Variants in SYCP2 observed in about 807,000 individuals in gnomAD.
SYCP2 encodes the protein synaptonemal complex lateral element protein.
A neutral mutation model predicts 211.3 loss-of-function variants in SYCP2; 55 were observed. The observed-to-expected ratio is 0.26, with a 90% CI of 0.21 to 0.33. SYCP2 has a LOEUF of 0.33. SYCP2 is among the 10% of genes least tolerant of loss of function. The pLI is 1.00. For synonymous variants in SYCP2, 570 were observed against 555.2 expected (o/e 1.03, Z -0.37); for missense variants, 1,731 against 1,752.0 (o/e 0.99, Z 0.21).
At chr20:59,929,295 T>A (rs2060690737) in intron 2 of SYCP2, among the ~76,000 whole-genome samples, 1 of 127,352 alleles carries the variant, frequency 7.9e-6, no homozygotes, top group African/African-American at 2.6e-5. Context: ...AAATCATGTA[T>A]GTACTCCTGG....
intron 18 of SYCP2, among the ~76,000 whole-genome samples, chr20:59,898,713 T>C (rs2060057953): frequency 6.6e-6 from 1 of 150,832 alleles, no homozygotes; most frequent in Non-Finnish European, 1.5e-5. Flanking sequence ...ATAAAAGACT[T>C]CCTACAAAAA....
chr20:59,915,689 G>A (rs1335206041), intron 8 of SYCP2, 139 bp from the exon 9 acceptor site: 2 of 599,562 alleles, frequency 3.3e-6, no homozygotes, highest in Non-Finnish European at 5.9e-6. Flanking sequence ...GTAGGATGGA[G>A]GAAAGAATAT....
At chr20:59,871,757 G>A (rs1285498481) in intron 35 of SYCP2, among the ~76,000 whole-genome samples, 1 of 151,786 alleles carries the variant, frequency 6.6e-6, no homozygotes, top group Non-Finnish European at 1.5e-5. Flanking sequence ...GATTACTTAT[G>A]ATACCTAATA....
chr20:59,895,304 A>G (rs2059985363), intron 20 of SYCP2, 133 bp downstream of exon 20: 1 of 683,298 alleles, frequency 1.5e-6, no homozygotes, highest in East Asian at 3.0e-5. Context: ...CAAGGGCAAT[A>G]AATATTTAGG....
rs151291017 is a variant in SYCP2, at chr20:59,914,199, T to G, written c.687A>C (p.Glu229Asp). 1.2e-6 allele frequency: 2 copies of G among 1,605,478 alleles called. No individual in the cohort carries two copies. Among genetic ancestry groups the G allele is most frequent in the Admixed American group, 3.3e-5 (2 of 59,880 alleles). ...GATGTGCCAGTTCTTGTCTTTGTTTTTCTGTGGTCATTCTACACAAAGCTT... is the reference window on the plus strand; with the variant it reads ...GATGTGCCAGTTCTTGTCTTTGTTTGTCTGTGGTCATTCTACACAAAGCTT... ...IVEALCRMTT[E>D]KQRQELAHQW... The change falls in exon 11 of 45, where the codon GAA becomes GAC. Residue 229 changes from glutamate to aspartate, a missense_variant. By Grantham distance (45) the Glu-to-Asp change is conservative (BLOSUM62 2). This residue lies in a region of SYCP2 where 335 missense variants were observed against 378.8 expected (regional missense o/e 0.88). Transcript: ENST00000357552.
intron 24 of SYCP2, among the ~76,000 whole-genome samples, chr20:59,891,441 G>A (rs1352812390): frequency 6.6e-6 from 1 of 151,836 alleles, no homozygotes; most frequent in Non-Finnish European, 1.5e-5. Context: ...AAAGAAAGTG[G>A]GAGCTCTAAT....
intron 24 of SYCP2, among the ~76,000 whole-genome samples, chr20:59,889,501 T>G (rs2059861988): frequency 1.3e-5 from 2 of 152,018 alleles, no homozygotes; most frequent in Admixed American, 6.6e-5. Flanking sequence ...GGTCTCCTGA[T>G]TTTATATTTA....
chr20:59,901,779 A>C lies in SYCP2; in HGVS notation c.1065T>G (p.Ile355Met), dbSNP rs1256184496. Residue 355 changes from isoleucine to methionine, a missense_variant, in exon 16 of 45, where the codon ATT (isoleucine) becomes ATG (methionine). By Grantham distance (10) the Ile-to-Met change is conservative. This residue lies in a region of SYCP2 where 1,387 missense variants were observed against 1,351.3 expected (regional missense o/e 1.03). Coordinates refer to ENST00000357552, the MANE Select transcript of SYCP2 (RefSeq NM_014258.4). ...TGCTAATTTTTACTGTATTTTTCAG[A>C]ATTATTGTCAGTAGCTTCTTTGATT... ...VRESKKLLTI[I>M]LKNTVKISKR... 4 of 1,601,018 alleles carry C rather than the reference A, an allele frequency of 2.5e-6. No individual in the cohort carries two copies. In the African/African-American group the frequency reaches 5.4e-5, roughly 22 times the overall value.
At chr20:59,877,954 T>A in intron 32 of SYCP2, 54 bp downstream of exon 32, 1 of 1,369,708 alleles carries the variant, frequency 7.3e-7, no homozygotes, top group Non-Finnish European at 1.0e-6. Context: ...TATTTTTATA[T>A]GGCAAGAAAA....
chr20:59,897,761 T>G (rs1489851939), intron 18 of SYCP2, among the ~76,000 whole-genome samples: 1 of 152,026 alleles, frequency 6.6e-6, no homozygotes, highest in Non-Finnish European at 1.5e-5. Flanking sequence ...TAGTAAAAAC[T>G]GAAATAATCA....
chr20:59,877,122 A>G (rs760267185), intron 33 of SYCP2, among the ~76,000 whole-genome samples: 19 of 152,284 alleles, frequency 1.2e-4, no homozygotes, highest in Non-Finnish European at 2.4e-4. Flanking sequence ...TAGAAGATTA[A>G]GTACTTCTCC....
chr20:59,903,303 T>C (rs1568957223), intron 15 of SYCP2, among the ~76,000 whole-genome samples: 1 of 152,122 alleles, frequency 6.6e-6, no homozygotes, highest in Non-Finnish European at 1.5e-5. Context: ...CAAGTATTTA[T>C]GGATATCAAT....
At chr20:59,925,620 T>C (rs2060620359) in intron 2 of SYCP2, among the ~76,000 whole-genome samples, 1 of 152,034 alleles carries the variant, frequency 6.6e-6, no homozygotes, top group Non-Finnish European at 1.5e-5. Context: ...TCATAGCCTC[T>C]GACCTTCCAC....
chr20:59,913,363 C>G (rs2060368542), intron 12 of SYCP2, among the ~76,000 whole-genome samples: 1 of 151,976 alleles, frequency 6.6e-6, no homozygotes, highest in Admixed American at 6.6e-5. Flanking sequence ...CTTACAATAC[C>G]GTTAATTTCT....
At chr20:59,886,941 G>T in intron 24 of SYCP2, 107 bp from the exon 25 acceptor site, 1 of 811,504 alleles carries the variant, frequency 1.2e-6, no homozygotes, top group Non-Finnish European at 1.8e-6. Flanking sequence ...TTATACCTGC[G>T]GAGAGAAATA....
chr20:59,874,173 C>T (rs1041007902), intron 34 of SYCP2, 112 bp from the exon 35 acceptor site: 1 of 543,204 alleles, frequency 1.8e-6, no homozygotes, highest in Non-Finnish European at 3.0e-6. Context: ...ATCTTCAAAT[C>T]TTAGCTATAA....
intron 16 of SYCP2, 128 bp from the exon 17 acceptor site, chr20:59,900,946 T>C (rs2145780262): frequency 1.4e-6 from 1 of 692,328 alleles, no homozygotes. Flanking sequence ...TATCCCAAAT[T>C]ATTACTTTGC....
In SYCP2 at chr20:59,896,516, T is replaced by C. The variant is rs143718332; in HGVS notation, c.1417A>G (p.Ser473Gly). ...GATGCTTCAGACATTTTTCTTTTGC[T>C]AGGAGTAGTTTTCTGAAACCACGAT... is the stretch of plus-strand genomic sequence containing the variant. Reference protein sequence around the residue: ...NNSQLEKTTPSKRKMSEASMI... With the variant: ...NNSQLEKTTPGKRKMSEASMI... Residue 473 changes from serine (S) to glycine (G), a missense_variant, in exon 19 of 45, where the codon AGC (serine) becomes GGC (glycine). Ser to Gly is a moderately conservative substitution (Grantham distance 56, BLOSUM62 0). This residue lies in a region of SYCP2 where 1,387 missense variants were observed against 1,351.3 expected (regional missense o/e 1.03). Coordinates refer to ENST00000357552, the MANE Select transcript of SYCP2 (RefSeq NM_014258.4). 6.2e-7 allele frequency: 1 copy of C among 1,605,364 alleles called. No homozygotes were observed. The highest frequency in any genetic ancestry group is 8.5e-7 in the Non-Finnish European group (1 of 1,173,358).
At chr20:59,902,204 A>T (rs1344739128) in intron 15 of SYCP2, among the ~76,000 whole-genome samples, 1 of 152,126 alleles carries the variant, frequency 6.6e-6, no homozygotes, top group African/African-American at 2.4e-5. Context: ...ATACACATAT[A>T]AACATTTCTA....
Sources: allele counts gnomAD v4.1 joint callset (sites outside exome capture counted in the v4.1 genomes callset), GRCh38; gene constraint gnomAD v4.1.1; regional missense constraint gnomAD v4.1.1; transcripts MANE v1.5; gene names NCBI Gene and HGNC (gene_info 2026-07-23, HGNC 2026-07-21).